Variants in CNTN5 observed in about 807,000 individuals in gnomAD.
The protein encoded by CNTN5 is contactin 5, also known as contactin-5.
A neutral mutation model predicts 129.1 loss-of-function variants in CNTN5; 77 were observed. The observed-to-expected ratio is 0.60, with a 90% confidence interval of 0.50 to 0.72. The LOEUF is 0.72. CNTN5 is among the 30% of genes least tolerant of loss of function. The pLI is 0.00. For synonymous variants in CNTN5, 509 were observed against 465.6 expected (o/e 1.09, Z -1.20); for missense variants, 1,478 against 1,328.8 (o/e 1.11, Z -1.75).
intron 3 of CNTN5, among the ~76,000 whole-genome samples, chr11:99,816,812 C>G (rs1946602448): frequency 6.6e-6 from 1 of 151,852 alleles, no homozygotes; most frequent in Non-Finnish European, 1.5e-5. Context: ...CCTCCCACCT[C>G]TCTCCCTCAT....
chr11:100,237,280 C>T (rs777566877), intron 16 of CNTN5, among the ~76,000 whole-genome samples: 1 of 152,028 alleles, frequency 6.6e-6, no homozygotes, highest in Non-Finnish European at 1.5e-5. Flanking sequence ...GGTCACATCT[C>T]CTAAGAAGAC....
chr11:99,261,352 GC>G (rs1862619488), intron 1 of CNTN5, among the ~76,000 whole-genome samples: 1 of 151,890 alleles, frequency 6.6e-6, no homozygotes, highest in Non-Finnish European at 1.5e-5. Flanking sequence ...CTACTCAATA[GC>G]CCCTGTTTAT....
At chr11:99,311,978 A>G (rs981994668) in intron 1 of CNTN5, among the ~76,000 whole-genome samples, 2 of 152,148 alleles carry the variant, frequency 1.3e-5, no homozygotes, top group Admixed American at 1.3e-4. Flanking sequence ...CCTCTGAAGA[A>G]ATCACCTTGG....
At chr11:99,028,959 G>A (rs1863231155) in intron 1 of CNTN5, among the ~76,000 whole-genome samples, 1 of 151,670 alleles carries the variant, frequency 6.6e-6, no homozygotes, top group Non-Finnish European at 1.5e-5. Context: ...AGCTAACATA[G>A]GGAGTCATAT....
chr11:99,511,092 G>GA (rs71463578), intron 2 of CNTN5, among the ~76,000 whole-genome samples: 25,338 of 151,918 alleles, frequency 0.17, 2,673 homozygotes, highest in East Asian at 0.41. Flanking sequence ...AAATTAAATA[G>GA]AAAAAATCTT....
chr11:99,025,502 A>G (rs1367803782), intron 1 of CNTN5, among the ~76,000 whole-genome samples: 2 of 151,744 alleles, frequency 1.3e-5, no homozygotes, highest in Non-Finnish European at 3.0e-5. Flanking sequence ...TTCCATTACT[A>G]TCCAGTAGTA....
chr11:100,201,352 A>G (rs1261197151), intron 15 of CNTN5, among the ~76,000 whole-genome samples: 1 of 151,930 alleles, frequency 6.6e-6, no homozygotes, highest in Non-Finnish European at 1.5e-5. Context: ...AAAAAAAAAA[A>G]GTCTTAATTA....
chr11:99,103,058 C>T (rs1028243828), intron 1 of CNTN5, among the ~76,000 whole-genome samples: 6 of 152,008 alleles, frequency 3.9e-5, no homozygotes, highest in East Asian at 3.9e-4. Context: ...GAGAACCAAG[C>T]GAAAGGGGTT....
At chr11:99,518,437 C>T (rs7930092) in intron 2 of CNTN5, among the ~76,000 whole-genome samples, 4,818 of 152,094 alleles carry the variant, frequency 0.032, 270 homozygotes, top group African/African-American at 0.11. Flanking sequence ...CGAGTCAAAA[C>T]CTCTAGCGAC....
chr11:100,305,708 T>C (rs1208408043), intron 20 of CNTN5, among the ~76,000 whole-genome samples: 1 of 151,590 alleles, frequency 6.6e-6, no homozygotes, highest in African/African-American at 2.4e-5. Context: ...TGCAGACCAA[T>C]TTTTGACCCA....
rs201189497 is a variant in CNTN5 at position 99,463,150 on chromosome 11, T to G, written c.-70-92995T>G. ...AAATAAATAAATAAATAAATAAAAG[T>G]AAAAAAGTCCAGGCGCGGTGACTCA... On this transcript the variant is annotated intron_variant, in intron 2 of 24. Coordinates refer to ENST00000524871, the MANE Select transcript of CNTN5 (RefSeq NM_014361.4). Among the ~76,000 whole-genome samples, 32 of 40,572 alleles carry G rather than the reference T, an allele frequency of 7.9e-4. No individual in the cohort carries two copies. In the South Asian group the frequency reaches 0.012, roughly 16 times the overall value. The allele number at this position is 40,572 out of a possible 152,430, so 26.6% of individuals were successfully genotyped here. A position where few individuals can be genotyped will look rare whatever the true frequency, so the allele number is the denominator to read the frequency against.
intron 9 of CNTN5, among the ~76,000 whole-genome samples, chr11:100,028,135 AAG>A (rs1265517139): frequency 6.6e-6 from 1 of 152,180 alleles, no homozygotes; most frequent in African/African-American, 2.4e-5. Flanking sequence ...CTTTCTCAGA[AAG>A]AGTTTAAAAC....
intron 21 of CNTN5, among the ~76,000 whole-genome samples, chr11:100,329,690 T>G (rs879385801): frequency 6.6e-6 from 1 of 152,176 alleles, no homozygotes; most frequent in African/African-American, 2.4e-5. Context: ...AGAATACCAG[T>G]AGCCCTGCTG....
At chr11:99,906,449 A>G (rs1038267552) in intron 6 of CNTN5, among the ~76,000 whole-genome samples, 14 of 152,054 alleles carry the variant, frequency 9.2e-5, no homozygotes, top group African/African-American at 3.4e-4. Context: ...ATGTTTATTG[A>G]TTTGCATATG....
intron 4 of CNTN5, among the ~76,000 whole-genome samples, chr11:99,832,218 A>T (rs1643780319): frequency 6.6e-6 from 1 of 152,222 alleles, no homozygotes; most frequent in African/African-American, 2.4e-5. Context: ...TTAGCAAAAA[A>T]GCAAGAAATG....
intron 6 of CNTN5, among the ~76,000 whole-genome samples, chr11:99,858,041 C>T (rs1318046158): frequency 6.6e-6 from 1 of 151,402 alleles, no homozygotes; most frequent in South Asian, 2.1e-4. Context: ...GTCAAAATAT[C>T]CAGCAAAAAA....
intron 2 of CNTN5, among the ~76,000 whole-genome samples, chr11:99,499,922 A>G (rs1457309891): frequency 1.3e-5 from 2 of 152,152 alleles, no homozygotes; most frequent in Non-Finnish European, 2.9e-5. Context: ...CGTAAAAAAT[A>G]TAGGCTTTGG....
chr11:99,537,252 A>T (rs982514046), intron 2 of CNTN5, among the ~76,000 whole-genome samples: 4 of 152,212 alleles, frequency 2.6e-5, no homozygotes, highest in African/African-American at 9.6e-5. Context: ...ACTTGAGATC[A>T]TCTTATTCAT....
rs75159330 is a variant in CNTN5, at chr11:99,780,137, G to C, written c.56-39407G>C. On this transcript the variant is annotated intron_variant, in intron 3 of 24. Transcript: ENST00000524871. ...TCTCTTGCCTAGCAGATAAACTACT[G>C]GTAGTTTCTGTTACTGTTATCAAGT... 9.9e-3 allele frequency among the ~76,000 whole-genome samples: 1,509 copies of C among 152,032 alleles called. 29 individuals carry two copies. Among genetic ancestry groups the C allele is most frequent in the African/African-American group, 0.034 (1,421 of 41,502 alleles).
Sources: allele counts gnomAD v4.1 joint callset (sites outside exome capture counted in the v4.1 genomes callset), GRCh38; gene constraint gnomAD v4.1.1; transcripts MANE v1.5; gene names NCBI Gene and HGNC (gene_info 2026-07-23, HGNC 2026-07-21).